ELF1: variants seen among roughly 807,000 people sequenced by gnomAD.
The protein encoded by ELF1 is E74 like ETS transcription factor 1.
ELF1 carries 24 observed loss-of-function variants against 59.9 expected under a neutral mutation model. The ratio of observed to expected loss-of-function variants is 0.40; its 90% CI spans 0.29 to 0.56. ELF1 has a LOEUF of 0.56. ELF1 is among the 20% of genes least tolerant of loss of function. ELF1 has a pLI of 0.44. For synonymous variants in ELF1, 248 were observed against 266.2 expected (o/e 0.93, Z 0.67); for missense variants, 627 against 742.2 (o/e 0.84, Z 1.80).
chr13:41,039,427 ATC>A (rs951275893), intron 1 of ELF1, among the ~76,000 whole-genome samples: 152 of 152,118 alleles, frequency 1.0e-3, no homozygotes, highest in African/African-American at 3.4e-3. Flanking sequence ...TCCAAAATAA[ATC>A]TCTTGCTTCA....
At chr13:41,060,952 C>A in exon 1 of ELF1, 1 of 358,074 alleles carries the variant, frequency 2.8e-6, no homozygotes, top group Admixed American at 3.5e-5. Context: ...GCCGCTGCTG[C>A]TGCCCACACG....
chr13:41,046,102 A>G (rs913255945), intron 1 of ELF1, among the ~76,000 whole-genome samples: 2 of 152,124 alleles, frequency 1.3e-5, no homozygotes, highest in African/African-American at 4.8e-5. Context: ...GACTAGGATT[A>G]CAACCCCTAC....
At chr13:41,020,769 G>A (rs1328904299), upstream of ELF1, among the ~76,000 whole-genome samples, 2 of 151,992 alleles carry the variant, frequency 1.3e-5, no homozygotes, top group Non-Finnish European at 2.9e-5. Flanking sequence ...GAGCAGTCAC[G>A]GGAGATTCAC....
chr13:40,999,145 T>A (rs1242606712), intron 1 of ELF1, among the ~76,000 whole-genome samples: 1 of 152,216 alleles, frequency 6.6e-6, no homozygotes. Flanking sequence ...TCCCTTAGGC[T>A]CAGCACTGTG....
At chr13:41,060,829 G>C (rs559518903) in intron 1 of ELF1, 2 of 260,302 alleles carry the variant, frequency 7.7e-6, no homozygotes, top group East Asian at 8.7e-5. Flanking sequence ...AGAAACTGCC[G>C]TGACCCACCT....
At chr13:40,936,133 C>A (rs1869754528) in intron 8 of ELF1, among the ~76,000 whole-genome samples, 1 of 152,144 alleles carries the variant, frequency 6.6e-6, no homozygotes, top group Non-Finnish European at 1.5e-5. Flanking sequence ...CACTGATGCA[C>A]AAACAGGTTG....
chr13:40,943,279 A>G (rs1437227047), intron 6 of ELF1, 135 bp from the exon 7 acceptor site: 6 of 763,422 alleles, frequency 7.9e-6, no homozygotes, highest in African/African-American at 7.0e-5. Context: ...TATTGGTGAC[A>G]TAATTTAGTT....
At chr13:41,035,517 A>C (rs148365893) in intron 1 of ELF1, among the ~76,000 whole-genome samples, 1 of 152,164 alleles carries the variant, frequency 6.6e-6, no homozygotes, top group African/African-American at 2.4e-5. Context: ...TTCCTGACTT[A>C]ATCTAAATTC....
At chr13:40,937,817 GTTTA>G (rs562550211) in intron 8 of ELF1, among the ~76,000 whole-genome samples, 155 of 151,978 alleles carry the variant, frequency 1.0e-3, no homozygotes, top group African/African-American at 3.2e-3. Flanking sequence ...TCACAGGTTT[GTTTA>G]TTTATTTACT....
chr13:41,025,435 G>A (rs2138399270), intron 1 of ELF1, among the ~76,000 whole-genome samples: 1 of 152,280 alleles, frequency 6.6e-6, no homozygotes, highest in Admixed American at 6.5e-5. Flanking sequence ...CCAGTCCAGT[G>A]GTTTCTAAAC....
chr13:40,997,803 A>G (rs1874203627), intron 1 of ELF1, among the ~76,000 whole-genome samples: 1 of 152,192 alleles, frequency 6.6e-6, no homozygotes, highest in Admixed American at 6.5e-5. Flanking sequence ...TCCTACAATC[A>G]TCTTTGTAAC....
chr13:40,958,096 C>G (rs1438886321), intron 3 of ELF1, among the ~76,000 whole-genome samples: 1 of 152,208 alleles, frequency 6.6e-6, no homozygotes, highest in African/African-American at 2.4e-5. Flanking sequence ...ATATCCACAA[C>G]ATCCCTGGCC....
chr13:41,060,088 G>T (rs887084827), intron 1 of ELF1, among the ~76,000 whole-genome samples: 1 of 152,214 alleles, frequency 6.6e-6, no homozygotes, highest in Admixed American at 6.5e-5. Flanking sequence ...AAGTTGGGAA[G>T]ACCTCGCAGG....
rs759947410 is a variant in ELF1 at position 40,943,060 on chromosome 13, C to T, written c.698G>A (p.Arg233Gln). 5 of 1,613,248 alleles carry T rather than the reference C, an allele frequency of 3.1e-6. 1 individual carries two copies. Among genetic ancestry groups the T allele is most frequent in the South Asian group, 2.2e-5 (2 of 90,936 alleles). ...TCPKYIKWTQ[R>Q]EKGIFKLVDS... ...CACCAATTTAAAAATGCCTTTCTCTCGCTGGGTCCACTTGATGTATTTAGG... is the reference window on the plus strand; with the variant it reads ...CACCAATTTAAAAATGCCTTTCTCTTGCTGGGTCCACTTGATGTATTTAGG... Residue 233 changes from arginine to glutamine, a missense_variant, in exon 7 of 9, where the codon CGA becomes CAA. Around this residue, in one of 3 missense-constraint regions of ELF1, gnomAD observed 34 missense variants for 76.8 expected, o/e 0.44. Coordinates refer to ENST00000239882, the MANE Select transcript of ELF1 (RefSeq NM_172373.4).
chr13:41,011,859 C>CTGGGACT (rs1025250442), intron 1 of ELF1, among the ~76,000 whole-genome samples: 1 of 152,116 alleles, frequency 6.6e-6, no homozygotes, highest in Non-Finnish European at 1.5e-5. Flanking sequence ...TCCCAAGTGG[C>CTGGGACT]TGGGACTACA....
intron 3 of ELF1, among the ~76,000 whole-genome samples, chr13:40,955,761 CGGG>C: frequency 9.1e-6 from 1 of 109,514 alleles, no homozygotes; most frequent in South Asian, 3.0e-4. Context: ...CCGCCCCGTC[CGGG>C]AGGGAGGCGG....
chr13:40,945,240 A>T (rs1222292119), intron 5 of ELF1, among the ~76,000 whole-genome samples: 1 of 152,170 alleles, frequency 6.6e-6, no homozygotes, highest in African/African-American at 2.4e-5. Context: ...GTCACAACAG[A>T]TGCTGCCAGT....
chr13:41,000,674 A>G (rs1874382933), intron 1 of ELF1, among the ~76,000 whole-genome samples: 1 of 152,194 alleles, frequency 6.6e-6, no homozygotes, highest in Non-Finnish European at 1.5e-5. Flanking sequence ...GAATTGTACA[A>G]TATCACAATA....
rs1226819747 is a variant in ELF1, at chr13:40,934,415, G to C, written c.1257-387C>G. Among the ~76,000 whole-genome samples the C allele has an allele frequency of 9.3e-3, 708 of 76,336 alleles. 11 individuals are homozygous for C. The highest frequency in any genetic ancestry group is 0.025 in the African/African-American group (685 of 27,404). The allele number at this position is 76,336 out of a possible 152,430, so 50.1% of individuals were successfully genotyped here. A position where few individuals can be genotyped will look rare whatever the true frequency, so the allele number is the denominator to read the frequency against. ...AAGCAAATCTGTTTGATTCATTCCT[G>C]CTTTTTTTTTTTTTTTTTTTTTTTT... On this transcript the variant is annotated intron_variant, in intron 8 of 8. Transcript: ENST00000239882.
Sources: gnomAD v4.1 joint callset for allele counts (sites outside exome capture counted in the v4.1 genomes callset) on GRCh38, gnomAD v4.1.1 for gene constraint, gnomAD v4.1.1 regional missense constraint, MANE v1.5 for transcripts, NCBI Gene and HGNC (gene_info 2026-07-23, HGNC 2026-07-21) for gene names.